Variants in ABAT observed in about 807,000 individuals in gnomAD.
ABAT encodes 4-aminobutyrate aminotransferase, also known as 4-aminobutyrate aminotransferase, mitochondrial.
In ABAT, 45 loss-of-function variants were observed where a neutral mutation model predicts 64.6. The ratio of observed to expected loss-of-function variants is 0.70; its 90% CI spans 0.55 to 0.89. ABAT has a LOEUF of 0.89. Ranked by LOEUF, ABAT falls within the 40% of genes least tolerant of loss-of-function variation. The pLI is 0.00. For synonymous variants in ABAT, 297 were observed against 250.5 expected, an observed-to-expected ratio of 1.19 and a Z score of -1.75; for missense variants, 633 against 658.4, an observed-to-expected ratio of 0.96 and a Z score of 0.42.
At chr16:8,682,214 CACACACACACACAG>C (rs952873424) in intron 1 of ABAT, among the ~76,000 whole-genome samples, 17 of 142,090 alleles carry the variant, frequency 1.2e-4, no homozygotes, top group South Asian at 5.2e-4. Context: ...CACACACACA[CACACACACACACAG>C]AGGAGGCATT....
At position 8,741,840 on chromosome 16, in the gene ABAT, G is replaced by A. The variant is rs183327422; in HGVS notation, c.71-4161G>A. 5.2e-3 allele frequency among the ~76,000 whole-genome samples: 789 copies of A among 152,258 alleles called. 8 individuals carry two copies. Among genetic ancestry groups the A allele is most frequent in the African/African-American group, 0.018 (751 of 41,542 alleles). On this transcript the variant is annotated intron_variant, in intron 2 of 15. Coordinates refer to ENST00000268251, the MANE Select transcript of ABAT (RefSeq NM_020686.6). ...TTCAACTCACTAGCTGTGTGACATC[G>A]GGAAAGTCACTTAACATCTCTGATC...
chr16:8,779,784 A>C (rs936961931), intron 15 of ABAT, among the ~76,000 whole-genome samples, 194 bp downstream of exon 15: 31 of 152,190 alleles, frequency 2.0e-4, no homozygotes, highest in African/African-American at 7.5e-4. Context: ...TTATTTACTC[A>C]ACAAGCGTTC....
chr16:8,758,790 C>T (rs1464165782), intron 6 of ABAT, among the ~76,000 whole-genome samples: 1 of 152,146 alleles, frequency 6.6e-6, no homozygotes, highest in Non-Finnish European at 1.5e-5. Flanking sequence ...GATAGAGAGC[C>T]ATTGCACATT....
At chr16:8,695,409 T>G (rs531248309) in intron 1 of ABAT, among the ~76,000 whole-genome samples, 1 of 152,348 alleles carries the variant, frequency 6.6e-6, no homozygotes, top group Admixed American at 6.5e-5. Flanking sequence ...TCTCCACCTC[T>G]GCAGAATCAC....
At chr16:8,737,993 A>AAGGAAGGAAGGAAGGAAGGAAGGAAGG in intron 2 of ABAT, among the ~76,000 whole-genome samples, 1 of 45,900 alleles carries the variant, frequency 2.2e-5, no homozygotes, top group East Asian at 7.8e-4. Flanking sequence ...AGGAAGGAGG[A>AAGGAAGGAAGGAAGGAAGGAAGGAAGG]AAGAAAGAAA....
chr16:8,741,908 T>C (rs1368203714), intron 2 of ABAT, among the ~76,000 whole-genome samples: 1 of 152,248 alleles, frequency 6.6e-6, no homozygotes, highest in Non-Finnish European at 1.5e-5. Context: ...TATATGGTTG[T>C]ATTTAATTGT....
Position 8,761,077 on chromosome 16 carries a change from G to GAAACA in ABAT, c.367-2973_367-2969dup, listed in dbSNP as rs60489635. ...GGTGACAGAGCGAGACCTTGCCTCTGAAACAAAACAAAACAAAACAAAAAC... is the reference window on the plus strand; with the variant it reads ...GGTGACAGAGCGAGACCTTGCCTCTGAAACAAAACAAAACAAAACAAAACAAAAAC... On this transcript the variant is annotated intron_variant, in intron 6 of 15. Coordinates refer to ENST00000268251, the MANE Select transcript of ABAT (RefSeq NM_020686.6). Among the ~76,000 whole-genome samples the GAAACA allele has an allele frequency of 5.5e-4, 83 of 151,722 alleles. 3 individuals carry two copies. In the South Asian group the frequency reaches 0.014, roughly 26 times the overall value.
intron 1 of ABAT, among the ~76,000 whole-genome samples, chr16:8,732,937 C>A (rs1417330229): frequency 1.3e-5 from 2 of 149,620 alleles, no homozygotes; most frequent in African/African-American, 5.0e-5. Context: ...GCTGACCCCC[C>A]TACCTCCCTC....
intron 1 of ABAT, chr16:8,705,562 T>G (rs1015696351): frequency 3.3e-5 from 5 of 152,170 alleles, no homozygotes; most frequent in African/African-American, 1.2e-4. Flanking sequence ...CTCTTTATGT[T>G]GTTTTCCAAA....
intron 1 of ABAT, among the ~76,000 whole-genome samples, chr16:8,676,719 A>C (rs541262147): frequency 2.0e-5 from 3 of 152,314 alleles, no homozygotes; most frequent in Admixed American, 2.0e-4. Context: ...CCTCACTTGC[A>C]TAGCTGGGTT....
At chr16:8,757,934 C>A in intron 6 of ABAT, 128 bp downstream of exon 6, 2 of 1,103,802 alleles carry the variant, frequency 1.8e-6, no homozygotes, top group Non-Finnish European at 1.4e-6. Context: ...TGAGCCCATA[C>A]TATGTGCCAG....
chr16:8,744,391 G>T (rs2059270964), intron 2 of ABAT, among the ~76,000 whole-genome samples: 2 of 151,736 alleles, frequency 1.3e-5, no homozygotes, highest in Admixed American at 1.3e-4. Flanking sequence ...CTTTTGAGAT[G>T]GAGTCTCGCT....
intron 1 of ABAT, among the ~76,000 whole-genome samples, chr16:8,730,708 C>CAGGGCTGCATGAGGAA (rs1286389371): frequency 6.6e-6 from 1 of 152,042 alleles, no homozygotes; most frequent in Non-Finnish European, 1.5e-5. Flanking sequence ...CAGCCCAAGC[C>CAGGGCTGCATGAGGAA]AGGGCTGCAT....
At chr16:8,689,273 T>C (rs576508325) in intron 1 of ABAT, among the ~76,000 whole-genome samples, 1 of 152,322 alleles carries the variant, frequency 6.6e-6, no homozygotes, top group East Asian at 1.9e-4. Context: ...ACTGCCTCCA[T>C]TGTCAAAAAT....
intron 2 of ABAT, 130 bp downstream of exon 2, chr16:8,735,939 G>T (rs74008026): frequency 6.5e-6 from 5 of 768,348 alleles, no homozygotes; most frequent in Non-Finnish European, 1.1e-5. Flanking sequence ...CTGTCCCACT[G>T]TATTAGTCTG....
chr16:8,776,532 C>A lies in ABAT; in HGVS notation c.1269+42C>A, dbSNP rs769331030. The A allele has an allele frequency of 1.3e-6, 2 of 1,542,092 alleles. No homozygotes were observed. The highest frequency in any genetic ancestry group is 2.2e-4 in the Middle Eastern group (1 of 4,514). ...TGCCCCGCCCCCACCACCCATGGCT[C>A]CCCGCAGCAGCCTCCGGGGCAACAC... On this transcript the variant is annotated intron_variant, in intron 14 of 15. Coordinates refer to ENST00000268251, the MANE Select transcript of ABAT (RefSeq NM_020686.6). The surrounding 1 kb of genome is among the most constrained non-coding windows in gnomAD (Gnocchi z 4.4).
chr16:8,728,601 C>T (rs916286108), intron 1 of ABAT, among the ~76,000 whole-genome samples: 8 of 152,168 alleles, frequency 5.3e-5, no homozygotes, highest in African/African-American at 1.7e-4. Context: ...TTGGGCCATG[C>T]ACAGTGGCTC....
chr16:8,711,728 A>AT (rs796930044), intron 1 of ABAT, among the ~76,000 whole-genome samples: 11 of 93,172 alleles, frequency 1.2e-4, no homozygotes, highest in East Asian at 3.2e-4. Context: ...GGATGGGAAG[A>AT]TGGATGGGTG....
chr16:8,760,200 G>C (rs58851040), intron 6 of ABAT: 1 of 152,170 alleles, frequency 6.6e-6, no homozygotes, highest in African/African-American at 2.4e-5. Context: ...TCTCCAAATC[G>C]ATCGCACCAA....
Sources: gnomAD v4.1 joint callset for allele counts (sites outside exome capture counted in the v4.1 genomes callset) on GRCh38, gnomAD v4.1.1 for gene constraint, Gnocchi (gnomAD v3.1) non-coding constraint, MANE v1.5 for transcripts, NCBI Gene and HGNC (gene_info 2026-07-23, HGNC 2026-07-21) for gene names.